Variants in RYR3 observed in about 807,000 individuals in gnomAD.
The protein encoded by RYR3 is brain ryanodine receptor-calcium release channel.
RYR3 carries 207 observed loss-of-function variants against 584.3 expected under a neutral mutation model. The ratio of observed to expected loss-of-function variants is 0.35; its 90% CI spans 0.32 to 0.40. The LOEUF (loss-of-function observed/expected upper bound fraction) is 0.40. Ranked by LOEUF, RYR3 falls within the 10% of genes least tolerant of loss-of-function variation. RYR3 has a pLI of 1.00. For synonymous variants in RYR3, 2,416 were observed against 2,248.5 expected (o/e 1.07, Z -2.11); for missense variants, 5,616 against 6,089.2 (o/e 0.92, Z 2.59).
chr15:33,777,552 T>G (rs2074076286), intron 64 of RYR3, among the ~76,000 whole-genome samples: 1 of 152,158 alleles, frequency 6.6e-6, no homozygotes, highest in Non-Finnish European at 1.5e-5. Flanking sequence ...AAGAAGCTAC[T>G]TAGCACCAAT....
intron 81 of RYR3, among the ~76,000 whole-genome samples, chr15:33,823,311 G>C (rs1163712018): frequency 1.3e-5 from 2 of 152,150 alleles, no homozygotes; most frequent in Non-Finnish European, 2.9e-5. Flanking sequence ...CCCCACTGCT[G>C]TTGTGTTTAA....
chr15:33,461,084 A>G (rs1219405011), intron 1 of RYR3, among the ~76,000 whole-genome samples: 1 of 151,382 alleles, frequency 6.6e-6, no homozygotes, highest in Non-Finnish European at 1.5e-5. Context: ...AGCTGTAACT[A>G]CAGGCACCCG....
At chr15:33,594,770 A>C (rs2059292682) in intron 16 of RYR3, among the ~76,000 whole-genome samples, 1 of 152,198 alleles carries the variant, frequency 6.6e-6, no homozygotes, top group Non-Finnish European at 1.5e-5. Flanking sequence ...GGATGAAAAA[A>C]AGTTTTAAGG....
intron 7 of RYR3, among the ~76,000 whole-genome samples, chr15:33,541,098 T>A (rs935792558): frequency 1.3e-5 from 2 of 152,154 alleles, no homozygotes; most frequent in Non-Finnish European, 2.9e-5. Context: ...CTGAACTTTT[T>A]TTTTTAACCC....
chr15:33,337,340 A>C (rs1312231622), intron 1 of RYR3, among the ~76,000 whole-genome samples: 1 of 152,174 alleles, frequency 6.6e-6, no homozygotes, highest in Non-Finnish European at 1.5e-5. Flanking sequence ...AAAATGTATT[A>C]CCAAGAAAGT....
At chr15:33,848,093 G>C (rs2078839328) in intron 93 of RYR3, among the ~76,000 whole-genome samples, 198 bp from the exon 94 acceptor site, 1 of 152,202 alleles carries the variant, frequency 6.6e-6, no homozygotes, top group African/African-American at 2.4e-5. Context: ...ACCCAAATCA[G>C]ATCAGCTTTA....
chr15:33,623,699 C>A, intron 19 of RYR3, 108 bp from the exon 20 acceptor site: 1 of 792,004 alleles, frequency 1.3e-6, no homozygotes, highest in Non-Finnish European at 2.1e-6. Context: ...TACTTCTCAA[C>A]AAAATTATGT....
chr15:33,603,813 A>T (rs2059785720), intron 18 of RYR3, among the ~76,000 whole-genome samples: 1 of 152,250 alleles, frequency 6.6e-6, no homozygotes, highest in Non-Finnish European at 1.5e-5. Context: ...ACTAGGAAGG[A>T]TCCAGACCTG....
At chr15:33,406,957 C>T (rs1385537248) in intron 1 of RYR3, among the ~76,000 whole-genome samples, 3 of 152,146 alleles carry the variant, frequency 2.0e-5, no homozygotes, top group African/African-American at 7.2e-5. Context: ...AAATTTATCT[C>T]TTATGGTTTT....
chr15:33,315,738 A>G (rs1968074137), intron 1 of RYR3, among the ~76,000 whole-genome samples: 1 of 152,196 alleles, frequency 6.6e-6, no homozygotes, highest in Non-Finnish European at 1.5e-5. Flanking sequence ...CAAAGCAATT[A>G]ACTTGAATCA....
At chr15:33,793,107 G>C (rs187872152) in intron 67 of RYR3, among the ~76,000 whole-genome samples, 5 of 152,260 alleles carry the variant, frequency 3.3e-5, no homozygotes, top group Admixed American at 2.0e-4. Context: ...ATAGCTTATA[G>C]AACTCAGGAA....
intron 40 of RYR3, among the ~76,000 whole-genome samples, 154 bp downstream of exon 40, chr15:33,698,150 G>C (rs921761305): frequency 7.2e-5 from 11 of 152,188 alleles, no homozygotes; most frequent in Non-Finnish European, 4.4e-5. Flanking sequence ...GCCAAGCGAT[G>C]GGATAATGCT....
chr15:33,647,568 T>A (rs2062173871), intron 30 of RYR3, 108 bp downstream of exon 30: 1 of 744,858 alleles, frequency 1.3e-6, no homozygotes, highest in Admixed American at 2.3e-5. Context: ...TAATTGCCAA[T>A]TACTCTGTCT....
At chr15:33,682,966 T>C (rs2064734309) in intron 38 of RYR3, among the ~76,000 whole-genome samples, 1 of 151,632 alleles carries the variant, frequency 6.6e-6, no homozygotes, top group Non-Finnish European at 1.5e-5. Context: ...GTCATCTTGC[T>C]TCTGATGGCT....
chr15:33,460,877 A>G (rs1415462207), intron 1 of RYR3, among the ~76,000 whole-genome samples: 2 of 145,764 alleles, frequency 1.4e-5, no homozygotes, highest in Admixed American at 6.9e-5. Flanking sequence ...GTGATTTTTG[A>G]TAGGAACAGC....
At chr15:33,360,246 C>G (rs1046051850) in intron 1 of RYR3, among the ~76,000 whole-genome samples, 1 of 151,918 alleles carries the variant, frequency 6.6e-6, no homozygotes, top group African/African-American at 2.4e-5. Context: ...AGGACAGTTT[C>G]CCCCACCCCT....
chr15:33,551,543 G>A (rs1453308394), intron 10 of RYR3, among the ~76,000 whole-genome samples: 4 of 152,078 alleles, frequency 2.6e-5, no homozygotes, highest in Admixed American at 1.3e-4. Context: ...GAAACTCTTT[G>A]GCATGTAGTT....
chr15:33,447,602 G>A (rs1214457509), intron 1 of RYR3, among the ~76,000 whole-genome samples: 3 of 152,152 alleles, frequency 2.0e-5, no homozygotes, highest in Non-Finnish European at 2.9e-5. Flanking sequence ...GATCATCCTT[G>A]AAAGGACTGT....
At chr15:33,765,017 C>T (rs1303338864) in intron 60 of RYR3, among the ~76,000 whole-genome samples, 48 of 91,076 alleles carry the variant, frequency 5.3e-4, no homozygotes, top group Non-Finnish European at 7.3e-4. Context: ...GGCAACAGAG[C>T]AAGACTTCGT....
Sources: allele counts gnomAD v4.1 joint callset (sites outside exome capture counted in the v4.1 genomes callset), GRCh38; gene constraint gnomAD v4.1.1; transcripts MANE v1.5; gene names NCBI Gene and HGNC (gene_info 2026-07-23, HGNC 2026-07-21).